ACAD11: variants seen among roughly 807,000 people sequenced by gnomAD.
The protein encoded by ACAD11 is acyl-Coenzyme A dehydrogenase family, member 11.
A neutral mutation model predicts 102.2 loss-of-function variants in ACAD11; 83 were observed. The observed-to-expected ratio is 0.81, with a 90% confidence interval of 0.68 to 0.97. The LOEUF is 0.97. ACAD11 is among the 50% of genes least tolerant of loss of function. ACAD11 has a pLI of 0.00. For synonymous variants in ACAD11, 324 were observed against 319.8 expected (o/e 1.01, Z -0.14); for missense variants, 901 against 951.7 (o/e 0.95, Z 0.70).
At position 132,605,185 on chromosome 3, in the gene ACAD11, G is replaced by T. The variant is rs972043239; in HGVS notation, c.1435C>A (p.Leu479Met). 1.1e-5 allele frequency: 18 copies of T among 1,612,840 alleles called. No homozygotes were observed. Among genetic ancestry groups the T allele is most frequent in the Non-Finnish European group, 1.5e-5 (18 of 1,179,082 alleles). Residue 479 changes from leucine (L) to methionine (M), a missense_variant, in exon 12 of 20, where the codon CTG (leucine) becomes ATG (methionine). Coordinates refer to ENST00000264990, the MANE Select transcript of ACAD11 (RefSeq NM_032169.5). The part of the protein sequence containing the change: ...QAPDTGNMEV[L>M]HLYGSEEQKK... ...TGTTCCTCACTTCCATACAGGTGCA[G>T]AACCTCCATATTCCCTGTGTCTACA...
chr3:132,614,431 G>T (rs190268908), intron 11 of ACAD11, among the ~76,000 whole-genome samples: 1 of 151,976 alleles, frequency 6.6e-6, no homozygotes, highest in African/African-American at 2.4e-5. Context: ...ACTATACTAC[G>T]AGGCTACAGT....
chr3:132,642,526 T>G (rs1940563549), intron 3 of ACAD11, 151 bp downstream of exon 3: 1 of 925,464 alleles, frequency 1.1e-6, no homozygotes, highest in African/African-American at 1.7e-5. Flanking sequence ...TGCTCAAATT[T>G]GAACAAAATT....
At chr3:132,651,630 T>C (rs1336735655) in intron 1 of ACAD11, among the ~76,000 whole-genome samples, 1 of 152,218 alleles carries the variant, frequency 6.6e-6, no homozygotes, top group Non-Finnish European at 1.5e-5. Flanking sequence ...CATCCATTGA[T>C]CATACTGCCA....
At chr3:132,562,175 G>C (rs1937080059) in intron 17 of ACAD11, among the ~76,000 whole-genome samples, 1 of 152,202 alleles carries the variant, frequency 6.6e-6, no homozygotes, top group Non-Finnish European at 1.5e-5. Context: ...CGCCATCTCA[G>C]ATCACTGCAA....
chr3:132,560,973 CA>C (rs1168806375), intron 18 of ACAD11, 127 bp downstream of exon 18: 2 of 705,376 alleles, frequency 2.8e-6, no homozygotes, highest in African/African-American at 3.6e-5. Flanking sequence ...ATTTATAACC[CA>C]AAATCACATG....
intron 7 of ACAD11, among the ~76,000 whole-genome samples, chr3:132,629,646 A>G (rs1204598136): frequency 6.6e-6 from 1 of 152,226 alleles, no homozygotes; most frequent in Admixed American, 6.5e-5. Flanking sequence ...GATGTAACAC[A>G]ACTATTTCAG....
intron 13 of ACAD11, 71 bp downstream of exon 13, chr3:132,603,158 G>T: frequency 8.1e-7 from 1 of 1,232,086 alleles, no homozygotes; most frequent in Non-Finnish European, 1.2e-6. Context: ...ATGTATCATA[G>T]CAATATTCTA....
At chr3:132,560,176 TG>T (rs1937010605) in intron 18 of ACAD11, among the ~76,000 whole-genome samples, 2 of 152,158 alleles carry the variant, frequency 1.3e-5, no homozygotes, top group Non-Finnish European at 2.9e-5. Context: ...TAACTTGTCT[TG>T]TTTCCAAAAG....
Position 132,626,688 on chromosome 3 carries a change from C to T in ACAD11, c.1197+3G>A. On this transcript the variant is annotated splice_donor_region_variant and intron_variant, in intron 9 of 19. Transcript: ENST00000264990. Reference sequence around the variant, plus strand: ...AAATACATTCTGCTTATATAATACTCACCTTTTCAGCTGGAAGAATGTGTT... The same window carrying T: ...AAATACATTCTGCTTATATAATACTTACCTTTTCAGCTGGAAGAATGTGTT... 1 of 1,613,240 alleles carries T rather than the reference C, an allele frequency of 6.2e-7. No individual in the cohort carries two copies. Among genetic ancestry groups the T allele is most frequent in the South Asian group, 1.1e-5 (1 of 91,050 alleles).
chr3:132,594,234 A>C (rs1167978167), intron 13 of ACAD11, among the ~76,000 whole-genome samples: 1 of 152,232 alleles, frequency 6.6e-6, no homozygotes, highest in Non-Finnish European at 1.5e-5. Flanking sequence ...ATAGCATTAC[A>C]ACCGATTTGC....
intron 5 of ACAD11, among the ~76,000 whole-genome samples, chr3:132,632,637 G>A (rs1376848764): frequency 6.6e-6 from 1 of 152,050 alleles, no homozygotes; most frequent in East Asian, 1.9e-4. Context: ...AGCTTGATGG[G>A]GATGGCATTG....
intron 1 of ACAD11, among the ~76,000 whole-genome samples, chr3:132,658,687 C>T (rs1937949340): frequency 6.6e-6 from 1 of 152,170 alleles, no homozygotes; most frequent in African/African-American, 2.4e-5. Flanking sequence ...TTAAATTCTA[C>T]ACCCTAAAAT....
chr3:132,649,953 C>A (rs899459853), intron 1 of ACAD11: 2 of 152,096 alleles, frequency 1.3e-5, no homozygotes, highest in African/African-American at 4.8e-5. Context: ...AATGTGTTTG[C>A]TGTTGATAAG....
intron 12 of ACAD11, among the ~76,000 whole-genome samples, chr3:132,603,692 G>C (rs1449496102): frequency 6.6e-6 from 1 of 152,222 alleles, no homozygotes. Flanking sequence ...TGGCAAGACA[G>C]ATTCCCCCCA....
intron 17 of ACAD11, among the ~76,000 whole-genome samples, chr3:132,563,942 CCT>C (rs1328348155): frequency 6.6e-6 from 1 of 151,998 alleles, no homozygotes; most frequent in Non-Finnish European, 1.5e-5. Flanking sequence ...TGAGTAAATT[CCT>C]TTGTATTCCC....
At chr3:132,631,030 C>A (rs561540478) in intron 6 of ACAD11, among the ~76,000 whole-genome samples, 1 of 152,250 alleles carries the variant, frequency 6.6e-6, no homozygotes, top group African/African-American at 2.4e-5. Context: ...ATGATTGTGG[C>A]ACTGTACTCC....
At chr3:132,654,907 C>T (rs1259241077) in intron 1 of ACAD11, among the ~76,000 whole-genome samples, 1 of 152,136 alleles carries the variant, frequency 6.6e-6, no homozygotes, top group East Asian at 1.9e-4. Context: ...GATTTGAACC[C>T]GATAGGACAC....
At chr3:132,584,286 T>A (rs1937700557) in intron 13 of ACAD11, among the ~76,000 whole-genome samples, 1 of 152,222 alleles carries the variant, frequency 6.6e-6, no homozygotes, top group Admixed American at 6.5e-5. Context: ...GTTCTTCTTG[T>A]TGAATTGATC....
chr3:132,648,187 T>A (rs1238949727), intron 1 of ACAD11, among the ~76,000 whole-genome samples: 3 of 152,162 alleles, frequency 2.0e-5, no homozygotes, highest in Non-Finnish European at 4.4e-5. Flanking sequence ...CATAACTAGT[T>A]GAAAGAACCC....
Sources: allele counts gnomAD v4.1 joint callset (sites outside exome capture counted in the v4.1 genomes callset), GRCh38; gene constraint gnomAD v4.1.1; transcripts MANE v1.5; gene names NCBI Gene and HGNC (gene_info 2026-07-23, HGNC 2026-07-21).